The following ERC1 variants were observed in gnomAD, a reference collection of about 807,000 sequenced individuals.
ERC1 encodes the protein ELKS/RAB6-interacting/CAST family member 1.
ERC1 carries 56 observed loss-of-function variants against 132.0 expected under a neutral mutation model. That is an observed-to-expected ratio of 0.42 (90% confidence interval 0.34 to 0.53). The LOEUF is 0.53. Among genes scored for constraint, ERC1 ranks in the 20% least tolerant of loss-of-function variants. ERC1 has a pLI of 0.03. For missense variants in ERC1, 1,202 were observed against 1,349.9 expected (o/e 0.89, Z 1.72); for synonymous variants, 478 against 476.1 (o/e 1.00, Z -0.05).
rs1030407848 is a variant in ERC1 at position 1,411,752 on chromosome 12, T to C, written c.3024+3505T>C. On this transcript the variant is annotated intron_variant, in intron 17 of 18. Coordinates refer to ENST00000360905, the MANE Select transcript of ERC1 (RefSeq NM_178040.4). ...CTACCTTGTCTATTTTGGCAGAACATAGGAGCTTCTTAGCTTCCTTCAGCT... is the reference window on the plus strand; with the variant it reads ...CTACCTTGTCTATTTTGGCAGAACACAGGAGCTTCTTAGCTTCCTTCAGCT... Among the ~76,000 whole-genome samples the C allele has an allele frequency of 6.6e-5, 10 of 152,162 alleles. 1 individual carries two copies. The highest frequency in any genetic ancestry group is 2.4e-4 in the African/African-American group (10 of 41,434).
chr12:1,031,572 A>T (rs1968051326), intron 2 of ERC1, among the ~76,000 whole-genome samples: 1 of 152,202 alleles, frequency 6.6e-6, no homozygotes, highest in Admixed American at 6.5e-5. Context: ...AAATTATGAT[A>T]ATTTTATTCT....
chr12:1,218,815 T>G lies in ERC1; in HGVS notation c.2352-17954T>G, dbSNP rs1275173177. Among the ~76,000 whole-genome samples the G allele has an allele frequency of 1.5e-4, 22 of 145,978 alleles. 1 individual carries two copies. In the South Asian group the frequency reaches 2.4e-3, roughly 16 times the overall value. ...CTAAAAGGCTCCACTCTCAGTCCTA[T>G]TCTCATATATATATATATACACACA... On this transcript the variant is annotated intron_variant, in intron 12 of 18. Coordinates refer to ENST00000360905, the MANE Select transcript of ERC1 (RefSeq NM_178040.4).
rs527381089 is a variant in ERC1, at chr12:1,422,806, T to TAGAACACTGTGTAATG, written c.3024+14559_3024+14560insAGAACACTGTGTAATG. ...CTGTAATGGCTGTTCTAATTTACAT[T>TAGAACACTGTGTAATG]GCCACAAACACTGTGTAAGAGTTCC... On this transcript the variant is annotated intron_variant, in intron 17 of 18. Coordinates refer to ENST00000360905, the MANE Select transcript of ERC1 (RefSeq NM_178040.4). Among the ~76,000 whole-genome samples the TAGAACACTGTGTAATG allele has an allele frequency of 3.7e-3, 570 of 152,322 alleles. 4 individuals carry two copies. Among genetic ancestry groups the TAGAACACTGTGTAATG allele is most frequent in the African/African-American group, 0.013 (550 of 41,568 alleles).
intron 15 of ERC1, among the ~76,000 whole-genome samples, chr12:1,293,840 T>C (rs2079692387): frequency 6.6e-6 from 1 of 152,228 alleles, no homozygotes; most frequent in Admixed American, 6.5e-5. Context: ...TATTTATACT[T>C]CCACCAAAAG....
At chr12:1,456,886 G>GA (rs1013335997) in intron 18 of ERC1, among the ~76,000 whole-genome samples, 31 of 152,094 alleles carry the variant, frequency 2.0e-4, no homozygotes, top group African/African-American at 7.5e-4. Context: ...ATAATCTAGA[G>GA]AAAATGAAGA....
chr12:1,160,874 G>T (rs1017587317), intron 8 of ERC1, among the ~76,000 whole-genome samples: 3 of 152,142 alleles, frequency 2.0e-5, no homozygotes, highest in Non-Finnish European at 2.9e-5. Context: ...GAGATTACAG[G>T]CATGAGCCAC....
intron 15 of ERC1, among the ~76,000 whole-genome samples, chr12:1,314,535 T>G (rs2081551800): frequency 6.6e-6 from 1 of 152,194 alleles, no homozygotes; most frequent in African/African-American, 2.4e-5. Context: ...CTTTTGACCC[T>G]GCAATTCTAC....
rs556271108 is a variant in ERC1 at position 1,400,084 on chromosome 12, G to A, written c.2926-8065G>A. On this transcript the variant is annotated intron_variant, in intron 16 of 18. Coordinates refer to ENST00000360905, the MANE Select transcript of ERC1 (RefSeq NM_178040.4). ...ATAGCCACCCTGGTGGATGTGATGT[G>A]GTATCTCATTATGGGGTTTTGTTTG... is the stretch of plus-strand genomic sequence containing the variant. Among the ~76,000 whole-genome samples, 5 of 152,226 alleles carry A rather than the reference G, an allele frequency of 3.3e-5. No individual in the cohort carries two copies. In the East Asian group the frequency reaches 9.7e-4, roughly 29 times the overall value.
At chr12:1,484,133 A>G (rs77365116) in intron 18 of ERC1, among the ~76,000 whole-genome samples, 17,461 of 151,024 alleles carry the variant, frequency 0.12, 1,233 homozygotes, top group African/African-American at 0.19. Flanking sequence ...GTGAAACCCC[A>G]TCTCTACTAA....
intron 9 of ERC1, among the ~76,000 whole-genome samples, chr12:1,181,203 T>C (rs1021373527): frequency 6.6e-6 from 1 of 152,208 alleles, no homozygotes; most frequent in Non-Finnish European, 1.5e-5. Flanking sequence ...TATTTTAAGC[T>C]CAATATATCA....
intron 8 of ERC1, among the ~76,000 whole-genome samples, chr12:1,145,936 T>C (rs763219971): frequency 6.6e-6 from 1 of 152,238 alleles, no homozygotes; most frequent in Non-Finnish European, 1.5e-5. Flanking sequence ...TCTGTGTGCC[T>C]GTTTTTATAC....
chr12:1,454,080 G>T (rs1037263031), intron 18 of ERC1, among the ~76,000 whole-genome samples: 3 of 152,126 alleles, frequency 2.0e-5, no homozygotes, highest in Admixed American at 6.5e-5. Context: ...GAGGGGAGCT[G>T]CAGGTTGAGT....
At chr12:1,009,364 C>T (rs541678566) in intron 1 of ERC1, among the ~76,000 whole-genome samples, 52 of 152,152 alleles carry the variant, frequency 3.4e-4, no homozygotes, top group East Asian at 1.7e-3. Flanking sequence ...TTAGTAGAGA[C>T]AGGGTTTCAC....
chr12:1,350,468 C>A (rs1306104190), intron 15 of ERC1, among the ~76,000 whole-genome samples: 1 of 152,206 alleles, frequency 6.6e-6, no homozygotes, highest in Non-Finnish European at 1.5e-5. Flanking sequence ...GCTGGCTGTA[C>A]TGACCCAAGC....
intron 7 of ERC1, among the ~76,000 whole-genome samples, chr12:1,121,825 GTCTCTATCTCTATCTA>G (rs1566014479): frequency 0.033 from 797 of 23,922 alleles, 85 homozygotes; most frequent in Middle Eastern, 0.062. Context: ...CTCTATCTGT[GTCTCTATCTCTATCTA>G]TCTCTATCTC....
At chr12:1,438,971 A>ATATATATAT (rs879572392) in intron 17 of ERC1, among the ~76,000 whole-genome samples, 1 of 144,440 alleles carries the variant, frequency 6.9e-6, no homozygotes, top group Non-Finnish European at 1.5e-5. Flanking sequence ...ATATATATAT[A>ATATATATAT]AAAAATGACA....
At chr12:1,344,402 A>G (rs1002962515) in intron 15 of ERC1, among the ~76,000 whole-genome samples, 1 of 152,096 alleles carries the variant, frequency 6.6e-6, no homozygotes, top group African/African-American at 2.4e-5. Flanking sequence ...TTCTCTTTGC[A>G]TTGAGTGAAG....
At chr12:1,141,010 G>C (rs1238375360) in intron 7 of ERC1, among the ~76,000 whole-genome samples, 2 of 152,078 alleles carry the variant, frequency 1.3e-5, no homozygotes, top group South Asian at 4.1e-4. Context: ...AATTTTCTCT[G>C]AATGGATTTT....
At chr12:1,180,253 A>G (rs1274630913) in intron 8 of ERC1, among the ~76,000 whole-genome samples, 16 of 146,700 alleles carry the variant, frequency 1.1e-4, no homozygotes, top group East Asian at 1.0e-3. Context: ...TTTGTTAGGG[A>G]TGTGTGTGTG....
Sources: gnomAD v4.1 joint callset for allele counts (sites outside exome capture counted in the v4.1 genomes callset) on GRCh38, gnomAD v4.1.1 for gene constraint, MANE v1.5 for transcripts, NCBI Gene and HGNC (gene_info 2026-07-23, HGNC 2026-07-21) for gene names.